The following LRP1B variants were observed in gnomAD, a reference collection of about 807,000 sequenced individuals.
LRP1B encodes the protein low-density lipoprotein receptor-related protein 1B.
A neutral mutation model predicts 556.6 loss-of-function variants in LRP1B; 217 were observed. The ratio of observed to expected loss-of-function variants is 0.39; its 90% CI spans 0.35 to 0.44. The LOEUF is 0.44. Ranked by LOEUF, LRP1B falls within the 20% of genes least tolerant of loss-of-function variation. The pLI is 1.00. For missense variants in LRP1B, 5,053 were observed against 5,620.8 expected, an observed-to-expected ratio of 0.90 and a Z score of 3.23; for synonymous variants, 2,047 against 1,865.8, an observed-to-expected ratio of 1.10 and a Z score of -2.50.
Position 140,429,364 on chromosome 2 carries a change from T to C in LRP1B, c.10414+13140A>G, listed in dbSNP as rs187203092. ...CTATCCTCAATACTTCCCTCCACAA[T>C]CCATTATTCTGTTCTGGATCTCAAA... On this transcript the variant is annotated intron_variant, in intron 66 of 90. Transcript: ENST00000389484. Among the ~76,000 whole-genome samples the C allele has an allele frequency of 2.3e-3, 353 of 152,184 alleles. 4 individuals are homozygous for C. Among genetic ancestry groups the C allele is most frequent in the African/African-American group, 7.7e-3 (319 of 41,534 alleles).
intron 3 of LRP1B, among the ~76,000 whole-genome samples, chr2:141,351,924 G>A (rs1427038702): frequency 6.6e-6 from 1 of 151,814 alleles, no homozygotes; most frequent in Non-Finnish European, 1.5e-5. Context: ...ACAGATGGAG[G>A]GTTGAGGAAT....
At chr2:141,144,600 A>T (rs1701735965) in intron 7 of LRP1B, among the ~76,000 whole-genome samples, 1 of 152,136 alleles carries the variant, frequency 6.6e-6, no homozygotes, top group South Asian at 2.1e-4. Context: ...TCACTTTATA[A>T]CCATACACTT....
At chr2:141,495,643 A>G (rs2105121811) in intron 2 of LRP1B, among the ~76,000 whole-genome samples, 1 of 152,228 alleles carries the variant, frequency 6.6e-6, no homozygotes, top group Admixed American at 6.6e-5. Context: ...GTATTTGTCA[A>G]TTCAATACCT....
intron 1 of LRP1B, among the ~76,000 whole-genome samples, chr2:141,944,142 A>G (rs1284634482): frequency 1.3e-5 from 2 of 152,138 alleles, no homozygotes; most frequent in Non-Finnish European, 2.9e-5. Flanking sequence ...ACAATGACAG[A>G]TCAAAGGAGG....
intron 2 of LRP1B, among the ~76,000 whole-genome samples, chr2:141,718,722 G>A (rs748741061): frequency 3.9e-5 from 6 of 152,108 alleles, no homozygotes; most frequent in Admixed American, 6.6e-5. Context: ...CATTTAAAAC[G>A]TTAGTCTGTG....
chr2:141,795,106 A>C (rs1023605135), intron 2 of LRP1B, among the ~76,000 whole-genome samples: 1 of 152,142 alleles, frequency 6.6e-6, no homozygotes, highest in Non-Finnish European at 1.5e-5. Context: ...CTAATTGATC[A>C]ACAGTGTTTT....
chr2:140,299,372 C>T (rs982077076), intron 83 of LRP1B, among the ~76,000 whole-genome samples: 4 of 151,954 alleles, frequency 2.6e-5, no homozygotes, highest in African/African-American at 9.7e-5. Context: ...TCTAAATGAA[C>T]AAAGTAATAT....
At chr2:140,863,216 A>G (rs1203206039) in intron 27 of LRP1B, among the ~76,000 whole-genome samples, 2 of 152,224 alleles carry the variant, frequency 1.3e-5, no homozygotes, top group East Asian at 3.9e-4. Flanking sequence ...ACATACACAC[A>G]CATATACACT....
intron 43 of LRP1B, among the ~76,000 whole-genome samples, chr2:140,545,140 T>G (rs190055380): frequency 0.029 from 1,281 of 44,464 alleles, 19 homozygotes; most frequent in African/African-American, 0.1. Context: ...TTTTTATGAG[T>G]TTTTTTTTTT....
chr2:141,894,053 CT>C (rs1013922426), intron 1 of LRP1B, among the ~76,000 whole-genome samples: 36 of 151,960 alleles, frequency 2.4e-4, no homozygotes, highest in Admixed American at 2.3e-3. Flanking sequence ...TATAATTAGA[CT>C]TTTATACCTT....
At chr2:141,735,602 G>A (rs1693436279) in intron 2 of LRP1B, among the ~76,000 whole-genome samples, 1 of 152,048 alleles carries the variant, frequency 6.6e-6, no homozygotes, top group South Asian at 2.1e-4. Context: ...CTGCCCAGTG[G>A]AAGATAGAAG....
intron 32 of LRP1B, among the ~76,000 whole-genome samples, chr2:140,804,411 GTT>G (rs1205240917): frequency 6.6e-6 from 1 of 151,830 alleles, no homozygotes; most frequent in East Asian, 1.9e-4. Flanking sequence ...TAATTTTACT[GTT>G]TTTTATTGTA....
intron 6 of LRP1B, among the ~76,000 whole-genome samples, chr2:141,207,125 C>T (rs111303790): frequency 6.0e-4 from 91 of 152,214 alleles, no homozygotes; most frequent in Non-Finnish European, 7.6e-4. Flanking sequence ...GTGTCATTTC[C>T]AAAGGCACAT....
intron 2 of LRP1B, among the ~76,000 whole-genome samples, chr2:141,655,110 G>C (rs528777706): frequency 1.3e-5 from 2 of 152,198 alleles, no homozygotes; most frequent in South Asian, 4.1e-4. Flanking sequence ...CTGGGGAGGA[G>C]GAAGAGGGAC....
At chr2:140,639,018 A>G (rs1684177230) in intron 41 of LRP1B, among the ~76,000 whole-genome samples, 2 of 151,982 alleles carry the variant, frequency 1.3e-5, no homozygotes, top group African/African-American at 2.4e-5. Flanking sequence ...CCAGTTGCTT[A>G]TTATTCTTTT....
chr2:141,365,913 C>T lies in LRP1B; in HGVS notation c.344-111272G>A, dbSNP rs186849833. ...TGGTCTTGATCTCCTGACCTTGTGA[C>T]CCGCCCACCTCAGCCTCCCAAAGTG... On this transcript the variant is annotated intron_variant, in intron 3 of 90. Coordinates refer to ENST00000389484, the MANE Select transcript of LRP1B (RefSeq NM_018557.3). Among the ~76,000 whole-genome samples, 391 of 152,012 alleles carry T rather than the reference C, an allele frequency of 2.6e-3. 1 individual carries two copies. Among genetic ancestry groups the T allele is most frequent in the African/African-American group, 8.9e-3 (371 of 41,460 alleles).
At chr2:141,207,655 ATGTTTTTGTTTT>A (rs68129080) in intron 6 of LRP1B, among the ~76,000 whole-genome samples, 10,353 of 150,662 alleles carry the variant, frequency 0.069, 693 homozygotes, top group African/African-American at 0.18. Flanking sequence ...TGTGGGGAGC[ATGTTTTTGTTTT>A]TGTTTTTGTT....
chr2:140,351,903 G>A (rs1279049781), intron 76 of LRP1B, among the ~76,000 whole-genome samples: 1 of 152,034 alleles, frequency 6.6e-6, no homozygotes, highest in African/African-American at 2.4e-5. Flanking sequence ...ACTGAACTGA[G>A]GCTCTGACAC....
At chr2:140,737,222 A>G (rs288121) in intron 35 of LRP1B, among the ~76,000 whole-genome samples, 35,440 of 151,988 alleles carry the variant, frequency 0.23, 4,199 homozygotes, top group East Asian at 0.29. Context: ...CATTGTGGCA[A>G]TTACGTAATT....
Sources: gnomAD v4.1 joint callset for allele counts (sites outside exome capture counted in the v4.1 genomes callset) on GRCh38, gnomAD v4.1.1 for gene constraint, MANE v1.5 for transcripts, NCBI Gene and HGNC (gene_info 2026-07-23, HGNC 2026-07-21) for gene names.